Variants in TBC1D32 observed in about 807,000 individuals in gnomAD.
TBC1D32 encodes TBC1 domain family member 32.
A neutral mutation model predicts 170.3 loss-of-function variants in TBC1D32; 151 were observed. That is an observed-to-expected ratio of 0.89 (90% confidence interval 0.78 to 1.01). The LOEUF (loss-of-function observed/expected upper bound fraction) is 1.01. Among genes scored for constraint, TBC1D32 ranks in the 50% least tolerant of loss-of-function variants. The probability of loss-of-function intolerance (pLI) is 0.00; values close to 1 mark genes in which losing one functional copy is unlikely to be tolerated. For missense variants in TBC1D32, 1,464 were observed against 1,457.1 expected (o/e 1.00, Z -0.08); for synonymous variants, 498 against 488.0 (o/e 1.02, Z -0.27).
chr6:121,113,151 T>C lies in TBC1D32; in HGVS notation c.3080A>G (p.Lys1027Arg). The C allele has an allele frequency of 6.2e-7, 1 of 1,610,150 alleles. No individual in the cohort carries two copies. Among genetic ancestry groups the C allele is most frequent in the African/African-American group, 1.3e-5 (1 of 74,838 alleles). Residue 1027 changes from lysine to arginine, a missense_variant, in exon 28 of 32, where the codon AAA (lysine) becomes AGA (arginine). By Grantham distance (26) the Lys-to-Arg change is conservative (BLOSUM62 2). Coordinates refer to ENST00000398212, the MANE Select transcript of TBC1D32 (RefSeq NM_152730.6). The stretch of plus-strand genomic sequence containing the variant: ...GGTAAGATCATTTTCTGCACCATCT[T>C]TTAAGAGACTGAGGAATTTGCCATA... ...VRYGKFLSLL[K>R]DGAENDLTWV...
chr6:121,104,920 C>G (rs1245186026), intron 30 of TBC1D32, among the ~76,000 whole-genome samples: 1 of 151,626 alleles, frequency 6.6e-6, no homozygotes, highest in Non-Finnish European at 1.5e-5. Context: ...AAACTCATCT[C>G]AAAGTATATG....
chr6:121,334,187 A>G (rs1811572013), intron 1 of TBC1D32, 89 bp downstream of exon 1: 1 of 1,112,176 alleles, frequency 9.0e-7, no homozygotes, highest in African/African-American at 1.6e-5. Flanking sequence ...CTATTTTAAA[A>G]ACAATAAATA....
intron 20 of TBC1D32, among the ~76,000 whole-genome samples, chr6:121,233,100 T>C (rs1795940552): frequency 6.6e-6 from 1 of 152,150 alleles, no homozygotes; most frequent in African/African-American, 2.4e-5. Context: ...TTTTCTTAAA[T>C]TTACTGAGAC....
chr6:121,149,020 A>AT (rs202130802), intron 24 of TBC1D32, among the ~76,000 whole-genome samples: 10 of 151,868 alleles, frequency 6.6e-5, no homozygotes, highest in South Asian at 6.2e-4. Context: ...ATGATGAGCT[A>AT]TTTTTTTTCA....
At chr6:121,182,384 T>C (rs910455842) in intron 22 of TBC1D32, among the ~76,000 whole-genome samples, 2 of 152,032 alleles carry the variant, frequency 1.3e-5, no homozygotes, top group African/African-American at 4.8e-5. Context: ...GAAGTCTAAA[T>C]GGGTATGCAA....
intron 21 of TBC1D32, among the ~76,000 whole-genome samples, chr6:121,209,894 T>C (rs1014732226): frequency 3.9e-5 from 6 of 152,208 alleles, no homozygotes; most frequent in Non-Finnish European, 5.9e-5. Context: ...AAGTTAGTTA[T>C]ATAAATCAAA....
intron 3 of TBC1D32, among the ~76,000 whole-genome samples, chr6:121,314,294 G>A (rs1184218664): frequency 6.6e-6 from 1 of 152,154 alleles, no homozygotes; most frequent in Non-Finnish European, 1.5e-5. Flanking sequence ...TGATGAGATG[G>A]GTCCCGCCTG....
At chr6:121,168,385 A>T (rs1193617535) in intron 22 of TBC1D32, among the ~76,000 whole-genome samples, 31 of 137,014 alleles carry the variant, frequency 2.3e-4, no homozygotes, top group Middle Eastern at 3.5e-3. Flanking sequence ...TACAGCCATA[A>T]AAAATGATGA....
At chr6:121,148,000 T>C (rs1425940495) in intron 24 of TBC1D32, among the ~76,000 whole-genome samples, 2 of 152,018 alleles carry the variant, frequency 1.3e-5, no homozygotes, top group Non-Finnish European at 2.9e-5. Context: ...GTTGGTTTTA[T>C]TATACTTTAA....
intron 15 of TBC1D32, among the ~76,000 whole-genome samples, chr6:121,260,923 C>T (rs182566431): frequency 6.6e-5 from 10 of 152,252 alleles, no homozygotes; most frequent in Non-Finnish European, 8.8e-5. Flanking sequence ...AGCTCCAGGC[C>T]GTGCTTTTCC....
chr6:121,123,842 A>G (rs1288647677), intron 26 of TBC1D32, among the ~76,000 whole-genome samples: 1 of 151,224 alleles, frequency 6.6e-6, no homozygotes, highest in Non-Finnish European at 1.5e-5. Flanking sequence ...TTTTTCTGCT[A>G]GTATTTTTTT....
intron 31 of TBC1D32, among the ~76,000 whole-genome samples, chr6:121,081,475 A>G (rs971107082): frequency 1.3e-5 from 2 of 152,112 alleles, no homozygotes; most frequent in Admixed American, 6.6e-5. Flanking sequence ...TCCAAATACA[A>G]TCTACGCAGT....
chr6:121,105,296 T>G (rs1386570978), intron 30 of TBC1D32, among the ~76,000 whole-genome samples: 1 of 151,924 alleles, frequency 6.6e-6, no homozygotes, highest in Non-Finnish European at 1.5e-5. Context: ...CAGTCTTCAT[T>G]TCCGTTAGGA....
intron 31 of TBC1D32, among the ~76,000 whole-genome samples, chr6:121,083,661 T>G (rs1331011038): frequency 6.6e-6 from 1 of 152,086 alleles, no homozygotes; most frequent in Non-Finnish European, 1.5e-5. Context: ...AATATCAGAC[T>G]AGTCAATGAA....
intron 30 of TBC1D32, chr6:121,095,903 G>A (rs1777345695): frequency 6.6e-6 from 1 of 152,086 alleles, no homozygotes; most frequent in Non-Finnish European, 1.5e-5. Context: ...TTTTTTGTGT[G>A]TGTCTCTGCC....
intron 24 of TBC1D32, among the ~76,000 whole-genome samples, chr6:121,138,757 G>A (rs1237146733): frequency 6.6e-6 from 1 of 151,932 alleles, no homozygotes; most frequent in Non-Finnish European, 1.5e-5. Context: ...GACTATATGT[G>A]TAAGACAGAA....
intron 5 of TBC1D32, 117 bp downstream of exon 5, chr6:121,307,859 T>C (rs1030396977): frequency 1.2e-5 from 14 of 1,171,990 alleles, no homozygotes; most frequent in Non-Finnish European, 1.6e-5. Context: ...TGAAACTCGG[T>C]CTCAAAAAAA....
At chr6:121,089,814 G>C (rs2173839) in intron 31 of TBC1D32, among the ~76,000 whole-genome samples, 2,203 of 151,950 alleles carry the variant, frequency 0.014, 70 homozygotes, top group African/African-American at 0.051. Flanking sequence ...CATAGAAACT[G>C]TTTGTTGACC....
Position 121,134,628 on chromosome 6 carries a change from C to G in TBC1D32, c.2774-2876G>C, listed in dbSNP as rs186030517. Among the ~76,000 whole-genome samples, 100 of 152,154 alleles carry G rather than the reference C, an allele frequency of 6.6e-4. 1 individual carries two copies. Among genetic ancestry groups the G allele is most frequent in the Non-Finnish European group, 7.4e-5 (5 of 67,986 alleles). On this transcript the variant is annotated intron_variant, in intron 24 of 31. Transcript: ENST00000398212. ...CATTATACTTCTGGCTACTCTTCCC[C>G]CAGCCACCATTGAGAGTATATGCTT...
Sources: gnomAD v4.1 joint callset for allele counts (sites outside exome capture counted in the v4.1 genomes callset) on GRCh38, gnomAD v4.1.1 for gene constraint, MANE v1.5 for transcripts, NCBI Gene and HGNC (gene_info 2026-07-23, HGNC 2026-07-21) for gene names.